The following DCC variants were observed in gnomAD, a reference collection of about 807,000 sequenced individuals.
The protein encoded by DCC is netrin receptor DCC.
In DCC, 58 loss-of-function variants were observed where a neutral mutation model predicts 172.5. The ratio of observed to expected loss-of-function variants is 0.34; its 90% CI spans 0.27 to 0.42. DCC has a LOEUF of 0.42. Ranked by LOEUF, DCC falls within the 10% of genes least tolerant of loss-of-function variation. The pLI, the probability that DCC is intolerant of heterozygous loss-of-function variation, is 1.00. For missense variants in DCC, 1,740 were observed against 1,791.0 expected (o/e 0.97, Z 0.51); for synonymous variants, 709 against 644.5 (o/e 1.10, Z -1.52).
chr18:52,649,087 T>TAA (rs2035072354), intron 1 of DCC, among the ~76,000 whole-genome samples: 1 of 152,092 alleles, frequency 6.6e-6, no homozygotes, highest in Admixed American at 6.6e-5. Context: ...AAAGATTAAC[T>TAA]TTATGGCCGG....
At chr18:52,759,037 G>A (rs529676051) in intron 2 of DCC, 2 of 152,156 alleles carry the variant, frequency 1.3e-5, no homozygotes, top group East Asian at 3.9e-4. Flanking sequence ...CCATTGTTTT[G>A]TAGTTAAAGC....
chr18:52,738,524 T>C (rs2145108162), intron 1 of DCC, among the ~76,000 whole-genome samples: 1 of 152,246 alleles, frequency 6.6e-6, no homozygotes, highest in South Asian at 2.1e-4. Flanking sequence ...GCACTTACCA[T>C]GAATGGAGCT....
chr18:53,457,664 GA>G lies in DCC; in HGVS notation c.3393-1566del, dbSNP rs562237190. ...GCAGATCAGTTTGCCGTGGGCAAGTGAAGTATATAGAAATGAATTCAGGAAA... is the reference window on the plus strand; with the variant it reads ...GCAGATCAGTTTGCCGTGGGCAAGTGAGTATATAGAAATGAATTCAGGAAA... On this transcript the variant is annotated intron_variant, in intron 23 of 28. Coordinates refer to ENST00000442544, the MANE Select transcript of DCC (RefSeq NM_005215.4). Among the ~76,000 whole-genome samples the G allele has an allele frequency of 1.4e-4, 22 of 152,292 alleles. No homozygotes were observed. In the South Asian group the frequency reaches 4.4e-3, roughly 30 times the overall value.
intron 1 of DCC, among the ~76,000 whole-genome samples, chr18:52,544,140 T>C (rs566155590): frequency 6.6e-6 from 1 of 152,332 alleles, no homozygotes; most frequent in East Asian, 1.9e-4. Context: ...AAGAAAAATG[T>C]ATGCTTATCC....
intron 1 of DCC, among the ~76,000 whole-genome samples, chr18:52,714,245 A>G (rs1266564226): frequency 2.0e-5 from 3 of 152,248 alleles, no homozygotes; most frequent in Admixed American, 6.5e-5. Context: ...AGCCTCTCAG[A>G]GCCACTGCAA....
intron 1 of DCC, among the ~76,000 whole-genome samples, chr18:52,374,119 C>G (rs1985246141): frequency 6.6e-6 from 1 of 151,874 alleles, no homozygotes. Context: ...GTCTCGATCT[C>G]CTGACCTCGT....
chr18:53,416,490 A>G, intron 21 of DCC: 1 of 436,870 alleles, frequency 2.3e-6, no homozygotes. Flanking sequence ...ATAATTTTCA[A>G]GCTGCTCTTG....
chr18:52,859,788 G>A (rs149319421), intron 2 of DCC, among the ~76,000 whole-genome samples: 52 of 152,218 alleles, frequency 3.4e-4, no homozygotes, highest in African/African-American at 1.2e-3. Flanking sequence ...ATATTTTGGG[G>A]TAAATTATTT....
chr18:53,270,118 G>T (rs974762668), intron 12 of DCC, among the ~76,000 whole-genome samples: 3 of 152,260 alleles, frequency 2.0e-5, no homozygotes, highest in African/African-American at 7.2e-5. Context: ...CCTCTCCCTA[G>T]CAAGGTAGAA....
At position 53,106,353 on chromosome 18, in the gene DCC, A is replaced by T. The variant is rs144975246; in HGVS notation, c.1261+40187A>T. Among the ~76,000 whole-genome samples the T allele has an allele frequency of 7.0e-4, 106 of 151,870 alleles. 1 individual carries two copies. The highest frequency in any genetic ancestry group is 2.4e-3 in the African/African-American group (98 of 41,460). ...GCTCGCATTTGGGACTCATTTGCTT[A>T]CTTGCCTGCCTGGTACTGGGAAGGT... On this transcript the variant is annotated intron_variant, in intron 7 of 28. Transcript: ENST00000442544.
chr18:52,375,066 TTG>T (rs1337344695), intron 1 of DCC, among the ~76,000 whole-genome samples: 1 of 152,258 alleles, frequency 6.6e-6, no homozygotes, highest in Non-Finnish European at 1.5e-5. Context: ...TGGGGCTTTT[TTG>T]GTCTTCTTGA....
chr18:53,332,784 A>G (rs1748241521), intron 14 of DCC, among the ~76,000 whole-genome samples: 1 of 109,940 alleles, frequency 9.1e-6, no homozygotes, highest in Non-Finnish European at 1.9e-5. Flanking sequence ...AATTTTACCC[A>G]TTTATCAAAA....
intron 3 of DCC, among the ~76,000 whole-genome samples, chr18:52,910,218 A>C (rs531644847): frequency 6.6e-6 from 1 of 152,112 alleles, no homozygotes; most frequent in African/African-American, 2.4e-5. Flanking sequence ...GGGTGAAGGG[A>C]TGGAATCCAG....
intron 1 of DCC, among the ~76,000 whole-genome samples, chr18:52,637,861 G>T (rs563409316): frequency 6.6e-6 from 1 of 152,242 alleles, no homozygotes; most frequent in East Asian, 1.9e-4. Flanking sequence ...TAGGCACATT[G>T]TCATTGGGTT....
At chr18:52,670,203 C>A (rs117437829) in intron 1 of DCC, among the ~76,000 whole-genome samples, 1,766 of 152,284 alleles carry the variant, frequency 0.012, 19 homozygotes, top group Non-Finnish European at 0.019. Flanking sequence ...GGTGTATTTT[C>A]ATATAAAAGA....
At chr18:52,822,391 T>A (rs2038422741) in intron 2 of DCC, among the ~76,000 whole-genome samples, 1 of 152,204 alleles carries the variant, frequency 6.6e-6, no homozygotes, top group Non-Finnish European at 1.5e-5. Context: ...ACCTAAATAA[T>A]CCACCTAGTT....
chr18:53,317,010 T>A (rs1227374528), intron 13 of DCC, among the ~76,000 whole-genome samples: 2 of 152,248 alleles, frequency 1.3e-5, no homozygotes, highest in African/African-American at 4.8e-5. Flanking sequence ...AGAGAGGGCA[T>A]CCTTGTCTTG....
intron 22 of DCC, among the ~76,000 whole-genome samples, chr18:53,444,296 T>G (rs1167475916): frequency 6.6e-6 from 1 of 152,142 alleles, no homozygotes; most frequent in East Asian, 1.9e-4. Context: ...AATCCCAGCA[T>G]TTTGGGAAGC....
intron 27 of DCC, among the ~76,000 whole-genome samples, chr18:53,510,070 C>A: frequency 6.6e-6 from 1 of 152,198 alleles, no homozygotes; most frequent in South Asian, 2.1e-4. Flanking sequence ...TCAGAGCCAC[C>A]GCTGTCCATG....
Sources: gnomAD v4.1 joint callset for allele counts (sites outside exome capture counted in the v4.1 genomes callset) on GRCh38, gnomAD v4.1.1 for gene constraint, MANE v1.5 for transcripts, NCBI Gene and HGNC (gene_info 2026-07-23, HGNC 2026-07-21) for gene names.